The following SOX5 variants were observed in gnomAD, a reference collection of about 807,000 sequenced individuals.
SOX5 encodes SRY-box transcription factor 5.
A neutral mutation model predicts 92.0 loss-of-function variants in SOX5; 9 were observed. That is an observed-to-expected ratio of 0.10 (90% confidence interval 0.06 to 0.17). The LOEUF (loss-of-function observed/expected upper bound fraction) is 0.17, where lower values mean the gene tolerates loss of function less well. SOX5 is among the 10% of genes least tolerant of loss of function. SOX5 has a pLI of 1.00. For synonymous variants in SOX5, 344 were observed against 336.3 expected (o/e 1.02, Z -0.25); for missense variants, 642 against 944.5 (o/e 0.68, Z 4.20).
intron 4 of SOX5, among the ~76,000 whole-genome samples, chr12:24,188,444 T>C (rs1288863582): frequency 6.6e-6 from 1 of 152,118 alleles, no homozygotes; most frequent in Non-Finnish European, 1.5e-5. Context: ...TATTCAATAC[T>C]TAAATGTGAA....
chr12:23,794,790 G>T (rs1163303815), intron 3 of SOX5, among the ~76,000 whole-genome samples: 1 of 151,950 alleles, frequency 6.6e-6, no homozygotes, highest in East Asian at 1.9e-4. Flanking sequence ...ACTAGTTTAG[G>T]TCTACAAAAG....
At chr12:23,710,316 G>A (rs770832543) in intron 6 of SOX5, among the ~76,000 whole-genome samples, 2 of 152,120 alleles carry the variant, frequency 1.3e-5, no homozygotes, top group East Asian at 3.9e-4. Context: ...ATGTATACAT[G>A]TGCCATGTTG....
chr12:24,136,418 C>T lies in SOX5; in HGVS notation c.-2+76925G>A, dbSNP rs575349505. 2.0e-5 allele frequency among the ~76,000 whole-genome samples: 3 copies of T among 152,342 alleles called. No homozygotes were observed. The South Asian group carries it at 6.2e-4, about 32-fold the overall frequency. On this transcript the variant is annotated intron_variant, in intron 4 of 4. Coordinates refer to the SOX5 transcript ENST00000446891. ...GTTTTCAGACAAAGAAGGACAGTAT[C>T]TTATGGTGAAAGCCGGGTTTAAGTA...
intron 1 of SOX5, among the ~76,000 whole-genome samples, chr12:24,459,293 A>G (rs1943367117): frequency 6.6e-6 from 1 of 152,172 alleles, no homozygotes; most frequent in South Asian, 2.1e-4. Flanking sequence ...ATGATGGTCC[A>G]TTCAAAGAAA....
intron 3 of SOX5, among the ~76,000 whole-genome samples, chr12:23,770,214 A>G (rs898183115): frequency 1.3e-5 from 2 of 150,458 alleles, no homozygotes; most frequent in African/African-American, 2.4e-5. Flanking sequence ...CTCCTGCCAG[A>G]CCACCACTTT....
At chr12:24,239,841 A>G (rs1335283216) in intron 3 of SOX5, among the ~76,000 whole-genome samples, 1 of 152,196 alleles carries the variant, frequency 6.6e-6, no homozygotes, top group African/African-American at 2.4e-5. Context: ...TTTCACTTTT[A>G]TTTAAAAAGG....
chr12:24,401,894 T>C (rs1456196310), intron 1 of SOX5, among the ~76,000 whole-genome samples: 1 of 152,156 alleles, frequency 6.6e-6, no homozygotes, highest in Non-Finnish European at 1.5e-5. Context: ...TAGCCTCACC[T>C]ATTTCTAGCT....
At chr12:23,742,503 T>C (rs1244868264) in intron 4 of SOX5, among the ~76,000 whole-genome samples, 1 of 152,134 alleles carries the variant, frequency 6.6e-6, no homozygotes, top group African/African-American at 2.4e-5. Context: ...TATATCCTAA[T>C]ATTAAATAAT....
At chr12:23,906,467 G>T (rs1423203868) in intron 1 of SOX5, among the ~76,000 whole-genome samples, 1 of 152,180 alleles carries the variant, frequency 6.6e-6, no homozygotes, top group African/African-American at 2.4e-5. Flanking sequence ...CCTTCTCAAG[G>T]GAGGCATTGT....
At chr12:24,089,805 A>G (rs1319516516) in intron 4 of SOX5, among the ~76,000 whole-genome samples, 1 of 152,146 alleles carries the variant, frequency 6.6e-6, no homozygotes, top group Non-Finnish European at 1.5e-5. Flanking sequence ...CATTCTGAAT[A>G]TGGGAACTCT....
rs376822453 is a variant in SOX5, at chr12:23,791,842, T to A, written c.482-36118A>T. ...TTTGACAAATAGTGAAATTAAAAAG[T>A]GATACCTATTTCAAATAAAGTATTT... is the stretch of plus-strand genomic sequence containing the variant. On this transcript the variant is annotated intron_variant, in intron 3 of 14. Transcript: ENST00000451604. 1.3e-3 allele frequency among the ~76,000 whole-genome samples: 194 copies of A among 152,070 alleles called. 8 individuals carry two copies. In the South Asian group the frequency reaches 0.038, roughly 30 times the overall value.
At chr12:23,569,085 G>C (rs1219674605) in intron 10 of SOX5, among the ~76,000 whole-genome samples, 1 of 152,162 alleles carries the variant, frequency 6.6e-6, no homozygotes, top group Non-Finnish European at 1.5e-5. Context: ...CAGCTACTTG[G>C]GGGGCTGAGG....
At chr12:23,970,840 A>ATAT in intron 4 of SOX5, among the ~76,000 whole-genome samples, 19 of 33,418 alleles carry the variant, frequency 5.7e-4, no homozygotes, top group Non-Finnish European at 8.4e-4. Context: ...ATATATATAT[A>ATAT]ATTTTTTTTT....
chr12:24,059,400 T>A (rs1191123738), intron 4 of SOX5, among the ~76,000 whole-genome samples: 2 of 151,464 alleles, frequency 1.3e-5, no homozygotes, highest in East Asian at 1.9e-4. Flanking sequence ...CGCTTGAGTA[T>A]TTCAAGCCAT....
intron 1 of SOX5, among the ~76,000 whole-genome samples, chr12:23,948,084 A>G (rs1369866206): frequency 6.6e-6 from 1 of 152,094 alleles, no homozygotes; most frequent in Non-Finnish European, 1.5e-5. Flanking sequence ...ACATCTACCT[A>G]TGATATAAGG....
intron 3 of SOX5, among the ~76,000 whole-genome samples, chr12:23,776,629 CAG>C (rs2095111054): frequency 6.6e-6 from 1 of 151,946 alleles, no homozygotes; most frequent in South Asian, 2.1e-4. Flanking sequence ...TTTTTTTTAA[CAG>C]GGGGATGGTG....
At chr12:23,644,547 G>T (rs1168581633) in intron 7 of SOX5, among the ~76,000 whole-genome samples, 7 of 152,160 alleles carry the variant, frequency 4.6e-5, no homozygotes, top group African/African-American at 9.7e-5. Context: ...CTACACTGAG[G>T]TGTTTTACAG....
At chr12:24,174,327 A>G (rs71450420) in intron 4 of SOX5, among the ~76,000 whole-genome samples, 4,979 of 152,222 alleles carry the variant, frequency 0.033, 99 homozygotes, top group South Asian at 0.067. Context: ...AACTTCTTAG[A>G]TGAGTTTTAG....
At chr12:24,407,250 C>A (rs987280455) in intron 1 of SOX5, among the ~76,000 whole-genome samples, 1 of 152,046 alleles carries the variant, frequency 6.6e-6, no homozygotes, top group Admixed American at 6.6e-5. Flanking sequence ...CGGCAGCAGT[C>A]CACAAGTACT....
Sources: allele counts gnomAD v4.1 joint callset (sites outside exome capture counted in the v4.1 genomes callset), GRCh38; gene constraint gnomAD v4.1.1; transcripts MANE v1.5; gene names NCBI Gene and HGNC (gene_info 2026-07-23, HGNC 2026-07-21).